Variants in CFAP69 observed in about 807,000 individuals in gnomAD.
CFAP69 encodes cilia- and flagella-associated protein 69.
CFAP69 carries 92 observed loss-of-function variants against 123.0 expected under a neutral mutation model. That is an observed-to-expected ratio of 0.75 (90% CI 0.63 to 0.89). CFAP69 has a LOEUF of 0.89. CFAP69 is among the 40% of genes least tolerant of loss of function. The pLI is 0.00. For synonymous variants in CFAP69, 380 were observed against 364.3 expected, an observed-to-expected ratio of 1.04 and a Z score of -0.49; for missense variants, 1,067 against 1,096.9, an observed-to-expected ratio of 0.97 and a Z score of 0.39.
In CFAP69 at chr7:90,296,274, T is replaced by C. The variant is rs578182515; in HGVS notation, c.1776-1475T>C. Among the ~76,000 whole-genome samples, 16 of 152,304 alleles carry C rather than the reference T, an allele frequency of 1.1e-4. 1 individual carries two copies. In the South Asian group the frequency reaches 3.3e-3, roughly 32 times the overall value. ...CCTGTAAATATTTTACAGAGTTTCA[T>C]TCTGAGCCCAATATAATTGACCAAG... On this transcript the variant is annotated intron_variant, in intron 15 of 22. Coordinates refer to ENST00000389297, the MANE Select transcript of CFAP69 (RefSeq NM_001039706.3).
intron 19 of CFAP69, among the ~76,000 whole-genome samples, chr7:90,306,094 C>T (rs1793540511): frequency 7.3e-6 from 1 of 137,182 alleles, no homozygotes; most frequent in Non-Finnish European, 1.6e-5. Context: ...AAGTGTGTAC[C>T]CCCATACCCA....
chr7:90,248,792 G>T (rs937766632), intron 1 of CFAP69, among the ~76,000 whole-genome samples: 2 of 152,072 alleles, frequency 1.3e-5, no homozygotes, highest in African/African-American at 4.8e-5. Flanking sequence ...CAATAAAATA[G>T]TACCAGAATT....
chr7:90,309,686 G>A (rs1327998311), intron 22 of CFAP69, among the ~76,000 whole-genome samples: 6 of 152,110 alleles, frequency 3.9e-5, no homozygotes, highest in Non-Finnish European at 4.4e-5. Context: ...CTTTTGCCCG[G>A]TTCTGGTTTA....
the CFAP69 span, among the ~76,000 whole-genome samples, chr7:90,322,866 A>G: frequency 1.3e-5 from 2 of 152,200 alleles, no homozygotes; most frequent in Non-Finnish European, 2.9e-5. Flanking sequence ...ATAAATCAAT[A>G]ATAGAAAAAT....
At chr7:90,323,309 T>G in the CFAP69 span, among the ~76,000 whole-genome samples, 1 of 151,862 alleles carries the variant, frequency 6.6e-6, no homozygotes, top group South Asian at 2.1e-4. Context: ...ATCAAGAAAG[T>G]GAAATCTCCA....
chr7:90,247,909 G>T (rs563812789), intron 1 of CFAP69, among the ~76,000 whole-genome samples: 8 of 152,188 alleles, frequency 5.3e-5, no homozygotes, highest in African/African-American at 1.7e-4. Flanking sequence ...ATAATATAGA[G>T]AACTTATAGA....
chr7:90,278,576 A>G (rs538572662), intron 11 of CFAP69, among the ~76,000 whole-genome samples: 1 of 149,624 alleles, frequency 6.7e-6, no homozygotes, highest in East Asian at 1.9e-4. Context: ...AAAGATAATA[A>G]AATTTATACT....
downstream of CFAP69, among the ~76,000 whole-genome samples, chr7:90,311,455 G>A (rs1468032868): frequency 2.0e-5 from 3 of 152,224 alleles, no homozygotes; most frequent in Non-Finnish European, 4.4e-5. Flanking sequence ...AATTCACACA[G>A]TATAAATACT....
intron 15 of CFAP69, among the ~76,000 whole-genome samples, chr7:90,296,171 C>T (rs1268267493): frequency 6.6e-6 from 1 of 152,118 alleles, no homozygotes; most frequent in Non-Finnish European, 1.5e-5. Flanking sequence ...ATAATCTCAA[C>T]TGCAAAGATG....
intron 1 of CFAP69, among the ~76,000 whole-genome samples, chr7:90,252,835 T>C (rs1797187136): frequency 6.6e-6 from 1 of 152,106 alleles, no homozygotes; most frequent in Non-Finnish European, 1.5e-5. Context: ...TTTCTTGAGA[T>C]CAGAATATAT....
intron 2 of CFAP69, 61 bp from the exon 3 acceptor site, chr7:90,258,037 T>G: frequency 2.5e-6 from 3 of 1,208,642 alleles, no homozygotes; most frequent in Admixed American, 2.1e-5. Context: ...TGTTGAAGAA[T>G]TTTTTAAAAT....
intron 3 of CFAP69, among the ~76,000 whole-genome samples, chr7:90,258,940 C>T (rs1271030299): frequency 6.6e-6 from 1 of 152,138 alleles, no homozygotes; most frequent in Non-Finnish European, 1.5e-5. Flanking sequence ...GCAGTTGTAC[C>T]TTTGATAAGC....
chr7:90,267,966 G>A (rs1799391944), intron 5 of CFAP69, among the ~76,000 whole-genome samples: 1 of 152,186 alleles, frequency 6.6e-6, no homozygotes, highest in Non-Finnish European at 1.5e-5. Flanking sequence ...TACATGGGTA[G>A]TAAATGGCAT....
At chr7:90,309,762 C>T (rs1794106076) in intron 22 of CFAP69, among the ~76,000 whole-genome samples, 1 of 151,634 alleles carries the variant, frequency 6.6e-6, no homozygotes, top group Admixed American at 6.6e-5. Flanking sequence ...TATAATTGTC[C>T]TTATATCTCT....
At chr7:90,252,145 T>TGTGC (rs1426837412) in intron 1 of CFAP69, 2 of 140,160 alleles carry the variant, frequency 1.4e-5, no homozygotes, top group East Asian at 2.1e-4. Context: ...TGTGTGTGTG[T>TGTGC]GCATGCGCGT....
chr7:90,299,985 G>A lies in CFAP69; in HGVS notation c.1976G>A (p.Ser659Asn), dbSNP rs1792546457. 1.2e-6 allele frequency: 2 copies of A among 1,611,160 alleles called. No homozygotes were observed. The highest frequency in any genetic ancestry group is 1.7e-5 in the Admixed American group (1 of 59,564). Residue 659 changes from serine (S) to asparagine (N), a missense_variant, in exon 17 of 23, where the codon AGT becomes AAT. Ser to Asn is a conservative substitution (Grantham distance 46). Coordinates refer to ENST00000389297, the MANE Select transcript of CFAP69 (RefSeq NM_001039706.3). ...GGGAAGAAGGATCAGACAGCTGCTAGTCTTTTAATTAAATTGTGGAGAAAG... is the reference window on the plus strand; with the variant it reads ...GGGAAGAAGGATCAGACAGCTGCTAATCTTTTAATTAAATTGTGGAGAAAG... ...WQGKKDQTAA[S>N]LLIKLWRKEE...
chr7:90,305,393 A>T (rs1007791481), intron 19 of CFAP69, among the ~76,000 whole-genome samples: 2 of 151,374 alleles, frequency 1.3e-5, no homozygotes, highest in African/African-American at 4.8e-5. Context: ...GCAAAAAAAA[A>T]AAAAATTATT....
At chr7:90,250,230 G>GAGAC (rs1796839083) in intron 1 of CFAP69, among the ~76,000 whole-genome samples, 1 of 136,214 alleles carries the variant, frequency 7.3e-6, no homozygotes, top group Non-Finnish European at 1.6e-5. Flanking sequence ...GAGAGAGAGA[G>GAGAC]AGAGACTCCT....
chr7:90,257,115 T>G (rs1294270754), intron 2 of CFAP69, among the ~76,000 whole-genome samples: 1 of 152,206 alleles, frequency 6.6e-6, no homozygotes, highest in Non-Finnish European at 1.5e-5. Context: ...ATCATAGTAG[T>G]ATCTTCCTAA....
Sources: allele counts gnomAD v4.1 joint callset (sites outside exome capture counted in the v4.1 genomes callset), GRCh38; gene constraint gnomAD v4.1.1; transcripts MANE v1.5; gene names NCBI Gene and HGNC (gene_info 2026-07-23, HGNC 2026-07-21).